The following ST18 variants were observed in gnomAD, a reference collection of about 807,000 sequenced individuals.
The protein encoded by ST18 is suppression of tumorigenicity 18 protein.
ST18 carries 50 observed loss-of-function variants against 110.0 expected under a neutral mutation model. The observed-to-expected ratio is 0.45, with a 90% CI of 0.36 to 0.58. The LOEUF (loss-of-function observed/expected upper bound fraction) is 0.58, where lower values mean the gene tolerates loss of function less well. Ranked by LOEUF, ST18 falls within the 20% of genes least tolerant of loss-of-function variation. The probability of loss-of-function intolerance (pLI) is 0.00; values close to 1 mark genes in which losing one functional copy is unlikely to be tolerated. For missense variants in ST18, 1,306 were observed against 1,280.1 expected (o/e 1.02, Z -0.31); for synonymous variants, 461 against 452.4 (o/e 1.02, Z -0.24).
intron 2 of ST18, among the ~76,000 whole-genome samples, chr8:52,391,378 T>C (rs1839274761): frequency 6.6e-6 from 1 of 152,090 alleles, no homozygotes; most frequent in Non-Finnish European, 1.5e-5. Flanking sequence ...TTCACACAGG[T>C]CAGCAGAGAG....
chr8:52,233,699 T>C (rs1474854394), intron 2 of ST18, among the ~76,000 whole-genome samples: 1 of 152,184 alleles, frequency 6.6e-6, no homozygotes, highest in Admixed American at 6.5e-5. Flanking sequence ...CCAATTTAAG[T>C]CTATTATTTT....
At chr8:52,316,939 G>C (rs1437682389) in intron 2 of ST18, among the ~76,000 whole-genome samples, 8 of 152,186 alleles carry the variant, frequency 5.3e-5, no homozygotes, top group Admixed American at 5.2e-4. Context: ...AATTTGGGAA[G>C]ATGTCCTTTA....
At chr8:52,194,231 G>GTA (rs2075484354) in intron 8 of ST18, 1 of 152,146 alleles carries the variant, frequency 6.6e-6, no homozygotes, top group African/African-American at 2.4e-5. Context: ...TGAATCGTGA[G>GTA]GTAATAGTAG....
rs147122474 is a variant in ST18 at position 52,125,592 on chromosome 8, T to A, written c.2755+460A>T. Among the ~76,000 whole-genome samples the A allele has an allele frequency of 3.2e-3, 483 of 152,168 alleles. 2 individuals carry two copies. The highest frequency in any genetic ancestry group is 0.027 in the South Asian group (129 of 4,816). ...GCCTCGATCCTGGGCTCCTGGTCTC[T>A]ACAATCCTCCTATCTCAGCTTCCAG... On this transcript the variant is annotated intron_variant, in intron 23 of 25. Coordinates refer to ENST00000689386, the MANE Select transcript of ST18 (RefSeq NM_001352837.2).
chr8:52,289,141 C>T (rs765526150), intron 2 of ST18, among the ~76,000 whole-genome samples: 4 of 152,312 alleles, frequency 2.6e-5, no homozygotes, highest in East Asian at 1.9e-4. Flanking sequence ...TACCCCTCTA[C>T]GGATGGCAAA....
At chr8:52,264,538 A>G (rs1020004201) in intron 2 of ST18, among the ~76,000 whole-genome samples, 5 of 152,220 alleles carry the variant, frequency 3.3e-5, no homozygotes, top group African/African-American at 1.2e-4. Flanking sequence ...TAAGGGATAA[A>G]GTTCCTGGTT....
chr8:52,238,573 G>A (rs1194490702), intron 2 of ST18, among the ~76,000 whole-genome samples: 2 of 152,050 alleles, frequency 1.3e-5, no homozygotes, highest in Non-Finnish European at 2.9e-5. Context: ...CAATAGCAAA[G>A]ACATGAAATC....
chr8:52,343,816 A>G (rs1816361093), intron 2 of ST18, among the ~76,000 whole-genome samples: 1 of 152,236 alleles, frequency 6.6e-6, no homozygotes, highest in Non-Finnish European at 1.5e-5. Context: ...ATACTTTTAA[A>G]GGTATTTTAA....
At chr8:52,273,031 G>A (rs1247709494) in intron 2 of ST18, among the ~76,000 whole-genome samples, 2 of 152,134 alleles carry the variant, frequency 1.3e-5, no homozygotes, top group Admixed American at 6.5e-5. Flanking sequence ...TTAAAAATCT[G>A]TTAAGAGAGC....
chr8:52,342,913 A>G (rs2140222532), intron 2 of ST18, among the ~76,000 whole-genome samples: 1 of 152,346 alleles, frequency 6.6e-6, no homozygotes, highest in East Asian at 1.9e-4. Flanking sequence ...GTGTCATACA[A>G]AAGTGAATGG....
intron 2 of ST18, among the ~76,000 whole-genome samples, chr8:52,280,665 C>T (rs375492976): frequency 6.6e-6 from 1 of 151,942 alleles, no homozygotes; most frequent in African/African-American, 2.4e-5. Flanking sequence ...CAAAATTTTT[C>T]GTTTATCAGG....
rs1479115220 is a variant in ST18 at position 52,218,015 on chromosome 8, AG to A, written c.-156-115del. On this transcript the variant is annotated intron_variant, in intron 5 of 25. Transcript: ENST00000689386. The stretch of plus-strand genomic sequence containing the variant: ...CATGTGGGGAGGTTTTATTTCCCTT[AG>A]ATTTTATTTTTCACTTAAAATTCTA... 7 of 152,308 alleles carry A rather than the reference AG, an allele frequency of 4.6e-5. No individual in the cohort carries two copies. In the South Asian group the frequency reaches 6.2e-4, roughly 14 times the overall value. 9.4% of individuals were successfully genotyped at this position (152,308 alleles called of 1,614,324 possible).
chr8:52,296,113 A>G (rs771220068), intron 2 of ST18, among the ~76,000 whole-genome samples: 1 of 152,224 alleles, frequency 6.6e-6, no homozygotes, highest in Non-Finnish European at 1.5e-5. Context: ...TTGTTTTAAC[A>G]TCATGCATAT....
At chr8:52,229,849 C>T (rs1219644316) in intron 3 of ST18, 183 bp downstream of exon 3, 1 of 152,140 alleles carries the variant, frequency 6.6e-6, no homozygotes, top group African/African-American at 2.4e-5. Context: ...GTAAACACTC[C>T]TCAAAAATCT....
chr8:52,270,734 G>C (rs2095047131), intron 2 of ST18, among the ~76,000 whole-genome samples: 1 of 152,096 alleles, frequency 6.6e-6, no homozygotes, highest in Admixed American at 6.6e-5. Flanking sequence ...TGGTGCAGGG[G>C]TAAGGGATGA....
intron 22 of ST18, among the ~76,000 whole-genome samples, chr8:52,127,016 TA>T (rs2047352543): frequency 6.6e-6 from 1 of 152,250 alleles, no homozygotes; most frequent in Non-Finnish European, 1.5e-5. Flanking sequence ...AAACAATTTT[TA>T]GATCAAAATA....
chr8:52,263,506 C>T (rs1192164527), intron 2 of ST18, among the ~76,000 whole-genome samples: 1 of 151,994 alleles, frequency 6.6e-6, no homozygotes, highest in Non-Finnish European at 1.5e-5. Flanking sequence ...AAGTGTTGTT[C>T]CTCATTTTTA....
intron 22 of ST18, among the ~76,000 whole-genome samples, chr8:52,131,163 A>T (rs1035607676): frequency 6.6e-6 from 1 of 152,190 alleles, no homozygotes; most frequent in Non-Finnish European, 1.5e-5. Context: ...AAAAGCCCCA[A>T]TTTTGCTCAA....
chr8:52,137,388 G>A (rs1300603115), intron 18 of ST18, 33 bp downstream of exon 18: 2 of 1,611,600 alleles, frequency 1.2e-6, no homozygotes, highest in African/African-American at 1.3e-5. Context: ...ACAAGACCAT[G>A]AAAATCTGAC....
Sources: allele counts gnomAD v4.1 joint callset (sites outside exome capture counted in the v4.1 genomes callset), GRCh38; gene constraint gnomAD v4.1.1; transcripts MANE v1.5; gene names NCBI Gene and HGNC (gene_info 2026-07-23, HGNC 2026-07-21).